The following TNFAIP8 variants were observed in gnomAD, a reference collection of about 807,000 sequenced individuals.
TNFAIP8 encodes TNF alpha induced protein 8.
A neutral mutation model predicts 13.3 loss-of-function variants in TNFAIP8; 7 were observed. The ratio of observed to expected loss-of-function variants is 0.52; its 90% CI spans 0.30 to 0.99. The LOEUF (loss-of-function observed/expected upper bound fraction) is 0.99, where lower values mean the gene tolerates loss of function less well. Ranked by LOEUF, TNFAIP8 falls within the 50% of genes least tolerant of loss-of-function variation. The probability of loss-of-function intolerance (pLI) is 0.07; values close to 1 mark genes in which losing one functional copy is unlikely to be tolerated. For synonymous variants in TNFAIP8, 94 were observed against 87.6 expected (o/e 1.07, Z -0.41); for missense variants, 258 against 236.9 (o/e 1.09, Z -0.58).
At chr5:119,340,284 A>G (rs1377710646) in intron 1 of TNFAIP8, among the ~76,000 whole-genome samples, 1 of 152,172 alleles carries the variant, frequency 6.6e-6, no homozygotes, top group Non-Finnish European at 1.5e-5. Flanking sequence ...ACCCTTTATT[A>G]CCAGGGGGGC....
intron 1 of TNFAIP8, among the ~76,000 whole-genome samples, chr5:119,279,502 A>G (rs1043224617): frequency 6.6e-6 from 1 of 152,218 alleles, no homozygotes; most frequent in African/African-American, 2.4e-5. Context: ...TGAGAACCCA[A>G]TGCCCGACTG....
Position 119,366,437 on chromosome 5 carries a change from A to G in TNFAIP8, c.31+10316A>G, listed in dbSNP as rs191201266. On this transcript the variant is annotated intron_variant, in intron 1 of 1. Transcript: ENST00000504771. ...ATTGAGGAATGCTGCCCCTCTTCCA[A>G]CTGCTAAATTGGGGCCAGTCGGAAG... Among the ~76,000 whole-genome samples, 7 of 152,312 alleles carry G rather than the reference A, an allele frequency of 4.6e-5. No individual in the cohort carries two copies. The East Asian group carries it at 7.7e-4, about 17-fold the overall frequency.
Position 119,373,416 on chromosome 5 carries a change from G to A in TNFAIP8, c.31+17295G>A, listed in dbSNP as rs560405619. 1.4e-4 allele frequency among the ~76,000 whole-genome samples: 22 copies of A among 152,246 alleles called. 1 individual carries two copies. In the South Asian group the frequency reaches 4.4e-3, roughly 30 times the overall value. On this transcript the variant is annotated intron_variant, in intron 1 of 1. Coordinates refer to ENST00000504771, the MANE Select transcript of TNFAIP8 (RefSeq NM_014350.4). ...AAGTCACTTCAAAACTTTCCTCACCGGGACGTCAAGACAGGCATACAACGG... is the reference window on the plus strand; with the variant it reads ...AAGTCACTTCAAAACTTTCCTCACCAGGACGTCAAGACAGGCATACAACGG...
chr5:119,295,493 C>CA (rs1331434131), intron 1 of TNFAIP8, among the ~76,000 whole-genome samples: 1 of 151,944 alleles, frequency 6.6e-6, no homozygotes, highest in African/African-American at 2.4e-5. Context: ...ATCTATATCT[C>CA]TGTTTTGGTA....
At chr5:119,321,831 G>A (rs938958687) in intron 1 of TNFAIP8, among the ~76,000 whole-genome samples, 2 of 152,036 alleles carry the variant, frequency 1.3e-5, no homozygotes, top group Admixed American at 1.3e-4. Context: ...AACCCCCCAC[G>A]GCTTTCCATT....
At chr5:119,386,196 G>A (rs530182351) in intron 1 of TNFAIP8, among the ~76,000 whole-genome samples, 1 of 152,260 alleles carries the variant, frequency 6.6e-6, no homozygotes, top group Non-Finnish European at 1.5e-5. Flanking sequence ...TTTTTTAAGA[G>A]GATAAATTCA....
chr5:119,375,670 T>TATATAA (rs2112824888), intron 1 of TNFAIP8, among the ~76,000 whole-genome samples: 1 of 152,290 alleles, frequency 6.6e-6, no homozygotes, highest in African/African-American at 2.4e-5. Flanking sequence ...ATCAAAGGAT[T>TATATAA]ATATAATTAT....
At chr5:119,340,794 G>C (rs1048757702) in intron 1 of TNFAIP8, among the ~76,000 whole-genome samples, 6 of 152,336 alleles carry the variant, frequency 3.9e-5, no homozygotes, top group African/African-American at 1.4e-4. Flanking sequence ...TGGACTGGCT[G>C]AGTGGCGGTT....
intron 1 of TNFAIP8, among the ~76,000 whole-genome samples, chr5:119,288,595 G>C (rs1219651783): frequency 2.0e-5 from 3 of 152,216 alleles, no homozygotes; most frequent in Admixed American, 6.5e-5. Context: ...GGAACAGCTG[G>C]AAGGCAGCCT....
intron 1 of TNFAIP8, among the ~76,000 whole-genome samples, chr5:119,342,838 G>A (rs948117947): frequency 1.3e-5 from 2 of 152,100 alleles, no homozygotes; most frequent in Non-Finnish European, 2.9e-5. Context: ...GTCTCTGAAG[G>A]GAAGCTCACT....
At chr5:119,387,142 A>G (rs1402785779) in intron 1 of TNFAIP8, among the ~76,000 whole-genome samples, 4 of 152,268 alleles carry the variant, frequency 2.6e-5, no homozygotes, top group African/African-American at 9.6e-5. Context: ...AGCACTGCCA[A>G]ATCTCCATGT....
At chr5:119,386,873 C>T (rs1203324271) in intron 1 of TNFAIP8, among the ~76,000 whole-genome samples, 2 of 152,140 alleles carry the variant, frequency 1.3e-5, no homozygotes, top group Admixed American at 6.5e-5. Flanking sequence ...GATAAGATTG[C>T]CTCCAGCTTG....
intron 1 of TNFAIP8, among the ~76,000 whole-genome samples, chr5:119,336,719 A>G (rs999799228): frequency 1.3e-5 from 2 of 152,162 alleles, no homozygotes; most frequent in African/African-American, 4.8e-5. Flanking sequence ...TAAATATAAA[A>G]TTTCTACAGT....
chr5:119,383,747 G>A (rs2112845837), intron 1 of TNFAIP8, among the ~76,000 whole-genome samples: 1 of 152,316 alleles, frequency 6.6e-6, no homozygotes, highest in African/African-American at 2.4e-5. Context: ...GCAGTGGGTG[G>A]CAAAGATGAG....
At position 119,368,430 on chromosome 5, in the gene TNFAIP8, CGT is replaced by C. The variant is rs376615641; in HGVS notation, c.31+12337_31+12338del. The stretch of plus-strand genomic sequence containing the variant: ...TCTTTCACTTACCTATTCTAAGCAG[CGT>C]GTGTGTGTGTGTGTGTGTGTGTGTG... On this transcript the variant is annotated intron_variant, in intron 1 of 1. Coordinates refer to ENST00000504771, the MANE Select transcript of TNFAIP8 (RefSeq NM_014350.4). Among the ~76,000 whole-genome samples, 296 of 132,986 alleles carry C rather than the reference CGT, an allele frequency of 2.2e-3. 2 individuals are homozygous for C. Among genetic ancestry groups the C allele is most frequent in the South Asian group, 2.7e-3 (11 of 4,140 alleles). 87.2% of individuals were successfully genotyped at this position (132,986 alleles called of 152,430 possible).
intron 1 of TNFAIP8, among the ~76,000 whole-genome samples, chr5:119,359,979 A>T (rs73239282): frequency 1.3e-5 from 2 of 152,182 alleles, no homozygotes; most frequent in Non-Finnish European, 2.9e-5. Context: ...CCATTTAGAG[A>T]TCTATCATAC....
chr5:119,298,686 C>A (rs140907383), intron 1 of TNFAIP8, among the ~76,000 whole-genome samples: 19,040 of 151,584 alleles, frequency 0.13, 3,171 homozygotes, highest in African/African-American at 0.39. Context: ...CTCCTGGATA[C>A]TATCCTGCAG....
chr5:119,371,273 C>T (rs1261816878), intron 1 of TNFAIP8, among the ~76,000 whole-genome samples: 2 of 152,122 alleles, frequency 1.3e-5, no homozygotes, highest in African/African-American at 4.8e-5. Flanking sequence ...AATAAAGGTA[C>T]AGAGAAGCAC....
chr5:119,362,985 C>T (rs531991145), intron 1 of TNFAIP8, among the ~76,000 whole-genome samples: 10 of 152,220 alleles, frequency 6.6e-5, no homozygotes, highest in African/African-American at 1.9e-4. Context: ...GTTGATTCCC[C>T]ATATGTAGTC....
Sources: allele counts gnomAD v4.1 joint callset (sites outside exome capture counted in the v4.1 genomes callset), GRCh38; gene constraint gnomAD v4.1.1; transcripts MANE v1.5; gene names NCBI Gene and HGNC (gene_info 2026-07-23, HGNC 2026-07-21).